The following ADAM22 variants were observed in gnomAD, a reference collection of about 807,000 sequenced individuals.
ADAM22 encodes disintegrin and metalloproteinase domain-containing protein 22.
A neutral mutation model predicts 144.6 loss-of-function variants in ADAM22; 65 were observed. The ratio of observed to expected loss-of-function variants is 0.45; its 90% CI spans 0.37 to 0.55. ADAM22 has a LOEUF of 0.55. Ranked by LOEUF, ADAM22 falls within the 20% of genes least tolerant of loss-of-function variation. The probability of loss-of-function intolerance (pLI) is 0.00; values close to 1 mark genes in which losing one functional copy is unlikely to be tolerated. For missense variants in ADAM22, 974 were observed against 1,184.9 expected, an observed-to-expected ratio of 0.82 and a Z score of 2.61; for synonymous variants, 391 against 412.6, an observed-to-expected ratio of 0.95 and a Z score of 0.63.
At chr7:88,029,749 T>C (rs964444575) in intron 3 of ADAM22, among the ~76,000 whole-genome samples, 19 of 152,120 alleles carry the variant, frequency 1.2e-4, no homozygotes, top group Non-Finnish European at 1.5e-5. Context: ...GATATACTAT[T>C]CTGGGGTAAA....
chr7:88,186,656 A>G lies in ADAM22; in HGVS notation c.2705A>G (p.Lys902Arg). ...TTCAAAAGAGACTATAATGTAGCTA[A>G]GTGGGTAGAAGATGTGAATAAAAAC... ...PWFKRDYNVA[K>R]WVEDVNKNTE... Residue 902 changes from lysine to arginine, a missense_variant, in exon 30 of 32, where the codon AAG (lysine) becomes AGG (arginine). Lys to Arg is a conservative substitution (Grantham distance 26, BLOSUM62 2). This residue lies in a region of ADAM22 where 734 missense variants were observed against 950.6 expected (regional missense o/e 0.77). Coordinates refer to ENST00000413139, the MANE Select transcript of ADAM22 (RefSeq NM_001324418.2). 1 of 1,612,740 alleles carries G rather than the reference A, an allele frequency of 6.2e-7. No homozygotes were observed. Among genetic ancestry groups the G allele is most frequent in the South Asian group, 1.1e-5 (1 of 91,058 alleles).
intron 2 of ADAM22, among the ~76,000 whole-genome samples, chr7:87,938,372 C>T (rs1841775180): frequency 6.6e-6 from 1 of 151,862 alleles, no homozygotes; most frequent in South Asian, 2.1e-4. Context: ...GCACCCACCA[C>T]CATGCCCAGC....
intron 8 of ADAM22, among the ~76,000 whole-genome samples, chr7:88,128,015 A>G (rs1830849043): frequency 6.6e-6 from 1 of 151,988 alleles, no homozygotes; most frequent in Non-Finnish European, 1.5e-5. Context: ...AAGCTATTCT[A>G]ACAAAGACCC....
intron 4 of ADAM22, among the ~76,000 whole-genome samples, chr7:88,080,395 G>A (rs1816151331): frequency 6.6e-6 from 1 of 152,114 alleles, no homozygotes; most frequent in Non-Finnish European, 1.5e-5. Flanking sequence ...GAGAAAGCAG[G>A]AAAGGTGTAA....
intron 1 of ADAM22, 109 bp downstream of exon 1, chr7:87,934,659 GA>G (rs1840741692): frequency 2.0e-5 from 17 of 835,108 alleles, no homozygotes; most frequent in Admixed American, 3.5e-5. Flanking sequence ...TGCGCGGGGA[GA>G]TTTTTTTTTT....
intron 14 of ADAM22, among the ~76,000 whole-genome samples, chr7:88,136,287 T>G (rs1832968764): frequency 6.6e-6 from 1 of 152,232 alleles, no homozygotes. Context: ...GTGGCTTACC[T>G]GCTAATTCCC....
intron 3 of ADAM22, among the ~76,000 whole-genome samples, chr7:88,010,148 G>A (rs960834865): frequency 6.6e-6 from 1 of 151,958 alleles, no homozygotes; most frequent in Non-Finnish European, 1.5e-5. Context: ...CCTACTTCTG[G>A]CTATGTTTCA....
chr7:88,082,844 G>C (rs1476195251), intron 4 of ADAM22, among the ~76,000 whole-genome samples: 2 of 152,106 alleles, frequency 1.3e-5, no homozygotes, highest in Non-Finnish European at 2.9e-5. Context: ...AACAACAGGT[G>C]CTGGAGAGGA....
chr7:88,163,785 T>A (rs1842322821), intron 23 of ADAM22, among the ~76,000 whole-genome samples: 1 of 152,158 alleles, frequency 6.6e-6, no homozygotes, highest in Admixed American at 6.6e-5. Context: ...CAGGTAAGTT[T>A]ACAGGTTAAA....
At chr7:88,172,491 G>A (rs1844585436) in intron 26 of ADAM22, among the ~76,000 whole-genome samples, 2 of 151,850 alleles carry the variant, frequency 1.3e-5, no homozygotes, top group Admixed American at 1.3e-4. Flanking sequence ...GCATGCTTGT[G>A]ACAGGTTATG....
chr7:88,152,174 G>T (rs1040586911), intron 20 of ADAM22, among the ~76,000 whole-genome samples: 5 of 152,136 alleles, frequency 3.3e-5, no homozygotes. Context: ...TCCGAAAAAA[G>T]ATATCATTTT....
At chr7:88,066,529 T>C (rs999094450) in intron 3 of ADAM22, among the ~76,000 whole-genome samples, 2 of 152,176 alleles carry the variant, frequency 1.3e-5, no homozygotes, top group Non-Finnish European at 2.9e-5. Context: ...GTTGGATATA[T>C]GATTCTGGTG....
chr7:88,089,633 C>T (rs1244628365), intron 4 of ADAM22, among the ~76,000 whole-genome samples: 1 of 152,152 alleles, frequency 6.6e-6, no homozygotes, highest in East Asian at 1.9e-4. Context: ...GTAGCTTCTC[C>T]AGAAACTCTT....
At chr7:88,036,392 A>G (rs565103869) in intron 3 of ADAM22, among the ~76,000 whole-genome samples, 29 of 152,272 alleles carry the variant, frequency 1.9e-4, no homozygotes, top group Non-Finnish European at 3.5e-4. Flanking sequence ...CAGCATTCTA[A>G]TGAGGGCTGG....
chr7:87,975,878 C>A (rs946439528), intron 2 of ADAM22, among the ~76,000 whole-genome samples: 1 of 152,130 alleles, frequency 6.6e-6, no homozygotes, highest in African/African-American at 2.4e-5. Context: ...ACTGAAACAT[C>A]ATTTCTGGTA....
At chr7:88,142,860 A>G (rs895981869) in intron 14 of ADAM22, among the ~76,000 whole-genome samples, 166 bp from the exon 15 acceptor site, 3 of 151,964 alleles carry the variant, frequency 2.0e-5, no homozygotes, top group African/African-American at 7.2e-5. Flanking sequence ...AAGAAATAAT[A>G]TTGACTGAAC....
chr7:88,072,097 C>A (rs2129479141), intron 3 of ADAM22, among the ~76,000 whole-genome samples: 1 of 152,254 alleles, frequency 6.6e-6, no homozygotes, highest in African/African-American at 2.4e-5. Flanking sequence ...AGGATTCTCA[C>A]CCTAATCATT....
chr7:87,960,380 G>C (rs543129412), intron 2 of ADAM22, among the ~76,000 whole-genome samples: 1 of 151,396 alleles, frequency 6.6e-6, no homozygotes, highest in Non-Finnish European at 1.5e-5. Flanking sequence ...AGTGGGGTGT[G>C]TGTGTGTGTG....
chr7:87,934,554 A>G lies in ADAM22; in HGVS notation c.85+4A>G, dbSNP rs916290088. ...CCGGCGCGCTGCGGCCAGGCAGGTAAGTTAGCCGTCCTCTGTGCCTTTGGG... is the reference window on the plus strand; with the variant it reads ...CCGGCGCGCTGCGGCCAGGCAGGTAGGTTAGCCGTCCTCTGTGCCTTTGGG... On this transcript the variant is annotated splice_donor_region_variant and intron_variant, in intron 1 of 31. Transcript: ENST00000413139. 4.4e-5 allele frequency: 71 copies of G among 1,605,722 alleles called. No homozygotes were observed. The highest frequency in any genetic ancestry group is 5.9e-5 in the Non-Finnish European group (70 of 1,178,976).
Sources: gnomAD v4.1 joint callset for allele counts (sites outside exome capture counted in the v4.1 genomes callset) on GRCh38, gnomAD v4.1.1 for gene constraint, gnomAD v4.1.1 regional missense constraint, MANE v1.5 for transcripts, NCBI Gene and HGNC (gene_info 2026-07-23, HGNC 2026-07-21) for gene names.